The following PCDH15 variants were observed in gnomAD, a reference collection of about 807,000 sequenced individuals.
PCDH15 encodes protocadherin-15.
Under a neutral mutation model 178.5 loss-of-function variants are expected in PCDH15, and 129 were observed. The ratio of observed to expected loss-of-function variants is 0.72; its 90% CI spans 0.63 to 0.84. The LOEUF (loss-of-function observed/expected upper bound fraction) is 0.84, where lower values mean the gene tolerates loss of function less well. Among genes scored for constraint, PCDH15 ranks in the 40% least tolerant of loss-of-function variants. PCDH15 has a pLI of 0.00. For missense variants in PCDH15, 2,230 were observed against 2,099.9 expected, an observed-to-expected ratio of 1.06 and a Z score of -1.21; for synonymous variants, 800 against 732.0, an observed-to-expected ratio of 1.09 and a Z score of -1.50.
chr10:54,000,108 G>T (rs2092056161), intron 20 of PCDH15, among the ~76,000 whole-genome samples: 1 of 152,184 alleles, frequency 6.6e-6, no homozygotes, highest in African/African-American at 2.4e-5. Flanking sequence ...GTAAGAGTCT[G>T]CCAAGAACCA....
intron 2 of PCDH15, among the ~76,000 whole-genome samples, chr10:54,609,843 T>C (rs2092903325): frequency 6.6e-6 from 1 of 152,042 alleles, no homozygotes; most frequent in Non-Finnish European, 1.5e-5. Context: ...AGGAAATGTA[T>C]GTGAAGGCAG....
intron 34 of PCDH15, among the ~76,000 whole-genome samples, 159 bp from the exon 35 acceptor site, chr10:53,816,436 T>A (rs1434015693): frequency 6.6e-6 from 1 of 152,208 alleles, no homozygotes; most frequent in Non-Finnish European, 1.5e-5. Flanking sequence ...CATTAAATAT[T>A]TTAACTAATT....
At chr10:54,880,314 G>C (rs1954239467) in intron 3 of PCDH15, among the ~76,000 whole-genome samples, 1 of 152,052 alleles carries the variant, frequency 6.6e-6, no homozygotes, top group Admixed American at 6.6e-5. Context: ...TCACAAATCT[G>C]TCTGCATAAA....
intron 2 of PCDH15, among the ~76,000 whole-genome samples, chr10:54,595,968 T>C (rs193209000): frequency 1.3e-5 from 2 of 152,062 alleles, no homozygotes; most frequent in Admixed American, 1.3e-4. Flanking sequence ...TAGGAATATA[T>C]AAAGAGACCA....
Position 54,293,810 on chromosome 10 carries a change from G to A in PCDH15, c.876+23461C>T, listed in dbSNP as rs183527762. 4.6e-3 allele frequency among the ~76,000 whole-genome samples: 701 copies of A among 152,038 alleles called. 2 individuals are homozygous for A. The highest frequency in any genetic ancestry group is 8.5e-3 in the African/African-American group (353 of 41,494). On this transcript the variant is annotated intron_variant, in intron 8 of 37. Transcript: ENST00000644397. ...TTAGAATGACAATCATTAAAAAGTCGGGAAACAACAGATGCTGGAGAGGAT... is the reference window on the plus strand; with the variant it reads ...TTAGAATGACAATCATTAAAAAGTCAGGAAACAACAGATGCTGGAGAGGAT...
intron 2 of PCDH15, among the ~76,000 whole-genome samples, chr10:54,987,853 G>A (rs1454577814): frequency 6.6e-6 from 1 of 151,940 alleles, no homozygotes; most frequent in African/African-American, 2.4e-5. Context: ...CTGTGCAGAA[G>A]CTCTTTAGTT....
intron 10 of PCDH15, among the ~76,000 whole-genome samples, chr10:54,199,806 A>G (rs1280109836): frequency 6.6e-6 from 1 of 152,130 alleles, no homozygotes; most frequent in East Asian, 1.9e-4. Context: ...AACCTTATTT[A>G]TATTTACAGA....
intron 14 of PCDH15, among the ~76,000 whole-genome samples, chr10:54,146,899 T>TATATATAGTGTATATATATAGTGTATAC (rs1207771947): frequency 6.8e-6 from 1 of 147,256 alleles, no homozygotes; most frequent in Admixed American, 6.9e-5. Flanking sequence ...TGTATACATA[T>TATATATAGTGTATATATATAGTGTATAC]ATATATAGTG....
At chr10:54,224,747 T>A (rs574848292) in intron 9 of PCDH15, among the ~76,000 whole-genome samples, 2 of 152,240 alleles carry the variant, frequency 1.3e-5, no homozygotes, top group African/African-American at 4.8e-5. Flanking sequence ...CTCATTATTT[T>A]CTTCCATTAA....
At chr10:55,522,182 C>A (rs776331839) in intron 2 of PCDH15, among the ~76,000 whole-genome samples, 31 of 151,842 alleles carry the variant, frequency 2.0e-4, no homozygotes, top group Non-Finnish European at 3.5e-4. Flanking sequence ...TAAGAATTCT[C>A]TTCTCTGCAA....
chr10:54,808,190 C>A (rs1952808669), intron 3 of PCDH15, among the ~76,000 whole-genome samples: 1 of 152,068 alleles, frequency 6.6e-6, no homozygotes, highest in African/African-American at 2.4e-5. Flanking sequence ...TCAGTAATCA[C>A]TATTTTAGGC....
chr10:55,078,632 C>T (rs1331294879), intron 2 of PCDH15, among the ~76,000 whole-genome samples: 1 of 151,442 alleles, frequency 6.6e-6, no homozygotes, highest in Non-Finnish European at 1.5e-5. Flanking sequence ...AATTTGTATT[C>T]TTTTATTTCA....
rs374414684 is a variant in PCDH15, at chr10:54,544,322, G to A, written c.92-16445C>T. On this transcript the variant is annotated intron_variant, in intron 2 of 37. Coordinates refer to ENST00000644397, the MANE Select transcript of PCDH15 (RefSeq NM_001384140.1). Reference sequence around the variant, plus strand: ...GATTAACTGCATTTTTTGGAGCTTGGAAGTTTTCTTAAGAATTCTCTAAAA... The same window carrying A: ...GATTAACTGCATTTTTTGGAGCTTGAAAGTTTTCTTAAGAATTCTCTAAAA... Among the ~76,000 whole-genome samples the A allele has an allele frequency of 6.6e-5, 10 of 152,236 alleles. No individual in the cohort carries two copies. In the East Asian group the frequency reaches 1.5e-3, roughly 24 times the overall value.
intron 2 of PCDH15, among the ~76,000 whole-genome samples, chr10:54,964,277 G>A (rs975935177): frequency 6.6e-6 from 1 of 152,158 alleles, no homozygotes; most frequent in African/African-American, 2.4e-5. Flanking sequence ...GGGCAATTGG[G>A]CTAGTTTCAA....
At chr10:55,537,828 T>C (rs142143875) in intron 2 of PCDH15, among the ~76,000 whole-genome samples, 1 of 152,312 alleles carries the variant, frequency 6.6e-6, no homozygotes, top group African/African-American at 2.4e-5. Flanking sequence ...TTTCAGAGAT[T>C]TTACACCTGT....
At chr10:55,078,374 G>A (rs193161628) in intron 2 of PCDH15, among the ~76,000 whole-genome samples, 2 of 151,994 alleles carry the variant, frequency 1.3e-5, no homozygotes, top group Non-Finnish European at 2.9e-5. Flanking sequence ...TGCTAGACTT[G>A]GGAAGTTTTC....
At chr10:55,606,791 A>C in intron 2 of PCDH15, among the ~76,000 whole-genome samples, 2 of 144,576 alleles carry the variant, frequency 1.4e-5, no homozygotes, top group African/African-American at 5.2e-5. Context: ...AACCATAAAA[A>C]CCCTAGAAGA....
chr10:53,864,663 C>T (rs1464454286), intron 27 of PCDH15, among the ~76,000 whole-genome samples: 2 of 152,082 alleles, frequency 1.3e-5, no homozygotes, highest in Non-Finnish European at 2.9e-5. Flanking sequence ...TGAGTCCACT[C>T]CCAACTTGTG....
chr10:54,984,282 T>C (rs539013747), intron 2 of PCDH15, among the ~76,000 whole-genome samples: 4 of 152,256 alleles, frequency 2.6e-5, no homozygotes, highest in East Asian at 1.9e-4. Flanking sequence ...CCAAGGAAGG[T>C]TGAAGCTAGA....
Sources: gnomAD v4.1 joint callset for allele counts (sites outside exome capture counted in the v4.1 genomes callset) on GRCh38, gnomAD v4.1.1 for gene constraint, MANE v1.5 for transcripts, NCBI Gene and HGNC (gene_info 2026-07-23, HGNC 2026-07-21) for gene names.